STX12: variants seen among roughly 807,000 people sequenced by gnomAD.
STX12 encodes the protein syntaxin 12.
A neutral mutation model predicts 42.2 loss-of-function variants in STX12; 17 were observed. The observed-to-expected ratio is 0.40, with a 90% CI of 0.28 to 0.60. The LOEUF (loss-of-function observed/expected upper bound fraction) is 0.60, where lower values mean the gene tolerates loss of function less well. Ranked by LOEUF, STX12 falls within the 20% of genes least tolerant of loss-of-function variation. The pLI, the probability that STX12 is intolerant of heterozygous loss-of-function variation, is 0.39. For synonymous variants in STX12, 108 were observed against 116.7 expected, an observed-to-expected ratio of 0.93 and a Z score of 0.48; for missense variants, 297 against 330.9, an observed-to-expected ratio of 0.90 and a Z score of 0.79.
At chr1:27,800,590 A>C (rs1270005138) in intron 3 of STX12, among the ~76,000 whole-genome samples, 1 of 151,572 alleles carries the variant, frequency 6.6e-6, no homozygotes, top group Non-Finnish European at 1.5e-5. Flanking sequence ...AGTACATGGC[A>C]TGATTTCAAC....
intron 1 of STX12, among the ~76,000 whole-genome samples, chr1:27,781,237 T>A (rs2088665830): frequency 6.6e-6 from 1 of 151,838 alleles, no homozygotes; most frequent in Non-Finnish European, 1.5e-5. Context: ...AGAGACAGGG[T>A]TTCACCATGT....
At chr1:27,781,104 C>T (rs1016126072) in intron 1 of STX12, among the ~76,000 whole-genome samples, 18 of 152,020 alleles carry the variant, frequency 1.2e-4, no homozygotes, top group Admixed American at 3.9e-4. Flanking sequence ...AGTACAGTGG[C>T]GCAATCTCAG....
At chr1:27,794,821 A>G (rs2088773336) in intron 3 of STX12, among the ~76,000 whole-genome samples, 1 of 152,092 alleles carries the variant, frequency 6.6e-6, no homozygotes, top group Non-Finnish European at 1.5e-5. Context: ...TCCTGGGCTC[A>G]AGGGATCCTC....
intron 1 of STX12, among the ~76,000 whole-genome samples, chr1:27,787,532 G>A (rs530559829): frequency 7.5e-4 from 114 of 152,118 alleles, no homozygotes; most frequent in Admixed American, 2.0e-3. Flanking sequence ...GGTGGCACAC[G>A]CCTGTAATCC....
intron 4 of STX12, among the ~76,000 whole-genome samples, chr1:27,802,235 A>C (rs768607309): frequency 3.3e-5 from 5 of 152,226 alleles, no homozygotes; most frequent in African/African-American, 4.8e-5. Flanking sequence ...GTAAAGCCTG[A>C]GAGGTCAGCA....
intron 5 of STX12, among the ~76,000 whole-genome samples, chr1:27,811,446 G>T (rs7514537): frequency 6.6e-6 from 1 of 151,586 alleles, no homozygotes; most frequent in African/African-American, 2.4e-5. Context: ...TTTCTAAAAA[G>T]AATTTTTTAA....
At chr1:27,788,523 A>C (rs186511057) in intron 1 of STX12, among the ~76,000 whole-genome samples, 3 of 152,170 alleles carry the variant, frequency 2.0e-5, no homozygotes, top group African/African-American at 7.2e-5. Flanking sequence ...GCAAATATCT[A>C]GGAAAAGGTA....
chr1:27,793,601 C>G lies in STX12; in HGVS notation c.257C>G (p.Ser86Cys). The change falls in exon 3 of 9, where the codon TCC (serine) becomes TGC (cysteine). Residue 86 changes from serine to cysteine, a missense_variant. Coordinates refer to ENST00000373943, the MANE Select transcript of STX12 (RefSeq NM_177424.3). ...ETNELLKELG[S>C]LPLPLSTSEQ... Reference sequence around the variant, plus strand: ...AATGAATTGCTGAAAGAATTAGGGTCCTTGCCCCTTCCCTTATCTACTTCA... The same window carrying G: ...AATGAATTGCTGAAAGAATTAGGGTGCTTGCCCCTTCCCTTATCTACTTCA... 6.2e-7 allele frequency: 1 copy of G among 1,614,050 alleles called. No individual in the cohort carries two copies. The highest frequency in any genetic ancestry group is 8.5e-7 in the Non-Finnish European group (1 of 1,179,980).
chr1:27,811,323 A>AT (rs1455853370), intron 5 of STX12, among the ~76,000 whole-genome samples: 3 of 127,234 alleles, frequency 2.4e-5, no homozygotes, highest in African/African-American at 9.1e-5. Flanking sequence ...AAAAAAAAAA[A>AT]GCCAGGCATG....
At chr1:27,820,239 T>C (rs1170796982) in intron 8 of STX12, 2 of 152,420 alleles carry the variant, frequency 1.3e-5, no homozygotes, top group African/African-American at 2.4e-5. Context: ...TCCAAGTCTT[T>C]ATCTCAGTGT....
chr1:27,803,687 G>A (rs2088840702), intron 4 of STX12, among the ~76,000 whole-genome samples: 2 of 152,180 alleles, frequency 1.3e-5, no homozygotes, highest in Admixed American at 1.3e-4. Flanking sequence ...ATATTTAATA[G>A]CAAAGGACTA....
At chr1:27,787,326 G>A (rs2088706065) in intron 1 of STX12, among the ~76,000 whole-genome samples, 1 of 152,178 alleles carries the variant, frequency 6.6e-6, no homozygotes, top group African/African-American at 2.4e-5. Context: ...CCAGCAATAA[G>A]TTAGAAGATT....
In STX12 at chr1:27,822,512, A is replaced by G. The variant is rs2088991958; in HGVS notation, c.*183A>G. Reference sequence around the variant, plus strand: ...CTATGGAGACAGTAATTATCAATTTATTGATTCTATTGATTTCTCAAATTA... The same window carrying G: ...CTATGGAGACAGTAATTATCAATTTGTTGATTCTATTGATTTCTCAAATTA... On this transcript the variant is annotated 3_prime_UTR_variant, in exon 9 of 9. Coordinates refer to ENST00000373943, the MANE Select transcript of STX12 (RefSeq NM_177424.3). 1 of 474,566 alleles carries G rather than the reference A, an allele frequency of 2.1e-6. No individual in the cohort carries two copies. Among genetic ancestry groups the G allele is most frequent in the Non-Finnish European group, 3.8e-6 (1 of 263,510 alleles). The allele number at this position is 474,566 out of a possible 1,614,324, so 29.4% of individuals were successfully genotyped here. A position where few individuals can be genotyped will look rare whatever the true frequency, so the allele number is the denominator to read the frequency against.
rs2088910386 is a variant in STX12, at chr1:27,812,521, A to G, written c.576+253A>G. Among the ~76,000 whole-genome samples, 4 of 151,606 alleles carry G rather than the reference A, an allele frequency of 2.6e-5. No homozygotes were observed. The South Asian group carries it at 8.3e-4, about 32-fold the overall frequency. On this transcript the variant is annotated intron_variant, in intron 6 of 8. Coordinates refer to ENST00000373943, the MANE Select transcript of STX12 (RefSeq NM_177424.3). ...CAGTGGTGTGATCTTGGCTCACTGCAACCTCTGCCTCCTGGGTTCGAGCGA... is the reference window on the plus strand; with the variant it reads ...CAGTGGTGTGATCTTGGCTCACTGCGACCTCTGCCTCCTGGGTTCGAGCGA...
At chr1:27,793,097 C>T (rs1399701884) in intron 2 of STX12, among the ~76,000 whole-genome samples, 2 of 152,228 alleles carry the variant, frequency 1.3e-5, no homozygotes, top group African/African-American at 4.8e-5. Flanking sequence ...GGAAGCTACG[C>T]TTTTAATGCA....
At chr1:27,783,217 G>A (rs991157381) in intron 1 of STX12, among the ~76,000 whole-genome samples, 3 of 152,222 alleles carry the variant, frequency 2.0e-5, no homozygotes, top group Non-Finnish European at 4.4e-5. Context: ...GATGTTAGCT[G>A]TAATGTATAA....
intron 3 of STX12, among the ~76,000 whole-genome samples, chr1:27,799,106 A>G (rs141850320): frequency 3.3e-5 from 5 of 152,328 alleles, no homozygotes; most frequent in African/African-American, 1.2e-4. Flanking sequence ...ATGCAAAAAT[A>G]AAAATCTCAG....
intron 2 of STX12, among the ~76,000 whole-genome samples, chr1:27,790,430 C>T (rs1459368694): frequency 6.6e-6 from 1 of 152,208 alleles, no homozygotes; most frequent in African/African-American, 2.4e-5. Context: ...CTGATTGGTC[C>T]ATTTTACAGA....
intron 3 of STX12, among the ~76,000 whole-genome samples, chr1:27,794,645 C>T (rs569327649): frequency 1.1e-4 from 17 of 152,222 alleles, no homozygotes; most frequent in African/African-American, 2.9e-4. Flanking sequence ...AAACTTTCTC[C>T]GTCTACCTTC....
Sources: allele counts gnomAD v4.1 joint callset (sites outside exome capture counted in the v4.1 genomes callset), GRCh38; gene constraint gnomAD v4.1.1; transcripts MANE v1.5; gene names NCBI Gene and HGNC (gene_info 2026-07-23, HGNC 2026-07-21).